Variants in PARG observed in about 807,000 individuals in gnomAD.
PARG encodes poly(ADP-ribose) glycohydrolase, also known as mitochondrial poly(ADP-ribose) glycohydrolase.
PARG carries 35 observed loss-of-function variants against 113.0 expected under a neutral mutation model. The ratio of observed to expected loss-of-function variants is 0.31; its 90% CI spans 0.24 to 0.41. PARG has a LOEUF of 0.41. PARG is among the 10% of genes least tolerant of loss of function. PARG has a pLI of 1.00. For synonymous variants in PARG, 330 were observed against 409.9 expected (o/e 0.81, Z 2.36); for missense variants, 797 against 1,169.4 (o/e 0.68, Z 4.64).
chr10:49,869,951 C>CA (rs1222562349), intron 9 of PARG, among the ~76,000 whole-genome samples: 2 of 151,618 alleles, frequency 1.3e-5, no homozygotes, highest in African/African-American at 2.4e-5. Context: ...AAAACGGTAT[C>CA]AAAAAAAATC....
intron 13 of PARG, 95 bp from the exon 14 acceptor site, chr10:49,843,727 G>C: frequency 1.3e-6 from 1 of 791,048 alleles, no homozygotes; most frequent in Non-Finnish European, 2.1e-6. Context: ...GTTTAGCACT[G>C]TACTGAAGGT....
chr10:49,910,490 C>A (rs1837113097), intron 7 of PARG, among the ~76,000 whole-genome samples: 2 of 151,930 alleles, frequency 1.3e-5, no homozygotes, highest in African/African-American at 2.4e-5. Flanking sequence ...CACTCTCTAC[C>A]TTTACCAGCC....
chr10:49,827,428 G>C (rs782660503), intron 16 of PARG, among the ~76,000 whole-genome samples: 1 of 152,150 alleles, frequency 6.6e-6, no homozygotes, highest in Non-Finnish European at 1.5e-5. Context: ...TAACATATAC[G>C]GGGAAGTCCA....
At chr10:49,916,390 G>GA (rs1837473069) in intron 6 of PARG, among the ~76,000 whole-genome samples, 1 of 151,998 alleles carries the variant, frequency 6.6e-6, no homozygotes, top group African/African-American at 2.4e-5. Flanking sequence ...TTTGTAGTAT[G>GA]AAAATTTCAT....
chr10:49,917,462 C>G (rs1219571970), intron 6 of PARG, among the ~76,000 whole-genome samples: 1 of 139,916 alleles, frequency 7.1e-6, no homozygotes, highest in Admixed American at 7.7e-5. Flanking sequence ...GCACTCCAGC[C>G]TGGGTGACAG....
chr10:49,849,584 G>C (rs1483100140), intron 13 of PARG, among the ~76,000 whole-genome samples: 1 of 152,210 alleles, frequency 6.6e-6, no homozygotes, highest in African/African-American at 2.4e-5. Context: ...CATGGGTGTA[G>C]TCATACGTCC....
At chr10:49,884,465 G>T (rs1554840042) in intron 8 of PARG, among the ~76,000 whole-genome samples, 1 of 152,170 alleles carries the variant, frequency 6.6e-6, no homozygotes, top group Non-Finnish European at 1.5e-5. Context: ...CAGGTGTGGT[G>T]GCGCACGCCT....
At chr10:49,885,398 G>A in intron 7 of PARG, 103 bp from the exon 8 acceptor site, 1 of 707,510 alleles carries the variant, frequency 1.4e-6, no homozygotes, top group Non-Finnish European at 2.5e-6. Context: ...TGCTTTTCAT[G>A]GAACCCCATA....
chr10:49,852,096 C>G (rs1196782344), intron 13 of PARG, among the ~76,000 whole-genome samples: 2 of 152,204 alleles, frequency 1.3e-5, no homozygotes, highest in Non-Finnish European at 2.9e-5. Flanking sequence ...ATTGAAGGAA[C>G]GGAATTGATC....
At chr10:49,895,948 C>T (rs1233748367) in intron 7 of PARG, among the ~76,000 whole-genome samples, 2 of 151,632 alleles carry the variant, frequency 1.3e-5, no homozygotes, top group African/African-American at 2.4e-5. Flanking sequence ...GTATACTGAC[C>T]TTATGTCTTG....
At chr10:49,886,478 T>G (rs1439589648) in intron 7 of PARG, among the ~76,000 whole-genome samples, 2 of 152,214 alleles carry the variant, frequency 1.3e-5, no homozygotes, top group Admixed American at 6.5e-5. Context: ...TCTTTTAAAA[T>G]TAAGATAATG....
intron 15 of PARG, among the ~76,000 whole-genome samples, chr10:49,839,880 C>T (rs781804142): frequency 3.3e-5 from 5 of 152,210 alleles, no homozygotes; most frequent in Non-Finnish European, 5.9e-5. Flanking sequence ...TCTCCAACAA[C>T]CTACTGCTTA....
intron 7 of PARG, among the ~76,000 whole-genome samples, chr10:49,891,175 G>A (rs200646590): frequency 6.7e-3 from 847 of 126,636 alleles, no homozygotes; most frequent in South Asian, 0.025. Context: ...TTAGCCAGGC[G>A]TGGTGGCACA....
intron 8 of PARG, among the ~76,000 whole-genome samples, chr10:49,880,388 G>A (rs1331413571): frequency 1.3e-5 from 2 of 151,588 alleles, no homozygotes; most frequent in Admixed American, 6.6e-5. Context: ...ACCACCATAC[G>A]GACATGCATA....
At chr10:49,918,937 T>A (rs1173138820) in intron 6 of PARG, among the ~76,000 whole-genome samples, 1 of 152,086 alleles carries the variant, frequency 6.6e-6, no homozygotes, top group East Asian at 1.9e-4. Flanking sequence ...ACACTATAGT[T>A]ATTCTTTTTT....
intron 8 of PARG, among the ~76,000 whole-genome samples, chr10:49,881,443 C>T (rs1847209751): frequency 6.6e-6 from 1 of 152,194 alleles, no homozygotes; most frequent in Admixed American, 6.5e-5. Flanking sequence ...ACCAGTTTAT[C>T]CTTCAGCTGT....
chr10:49,932,488 G>A (rs2132970309), intron 3 of PARG, among the ~76,000 whole-genome samples: 1 of 152,232 alleles, frequency 6.6e-6, no homozygotes, highest in East Asian at 1.9e-4. Context: ...GTCTGTGGAA[G>A]AAAGTTCCAA....
At chr10:49,889,068 T>TA (rs1554840967) in intron 7 of PARG, among the ~76,000 whole-genome samples, 1 of 151,690 alleles carries the variant, frequency 6.6e-6, no homozygotes, top group African/African-American at 2.4e-5. Flanking sequence ...AGTTTTTTTT[T>TA]TTTTCTTTGC....
intron 4 of PARG, among the ~76,000 whole-genome samples, chr10:49,930,573 GAT>G: frequency 6.6e-6 from 1 of 152,304 alleles, no homozygotes; most frequent in Non-Finnish European, 1.5e-5. Flanking sequence ...TTCTAAAACA[GAT>G]AGTTTTCAAC....
Sources: gnomAD v4.1 joint callset for allele counts (sites outside exome capture counted in the v4.1 genomes callset) on GRCh38, gnomAD v4.1.1 for gene constraint, MANE v1.5 for transcripts, NCBI Gene and HGNC (gene_info 2026-07-23, HGNC 2026-07-21) for gene names.